The following PSMC3 variants were observed in gnomAD, a reference collection of about 807,000 sequenced individuals.
The protein encoded by PSMC3 is 26S proteasome regulatory subunit 6A.
Under a neutral mutation model 52.0 loss-of-function variants are expected in PSMC3, and 11 were observed. The observed-to-expected ratio is 0.21, with a 90% CI of 0.13 to 0.35. The LOEUF is 0.35. Ranked by LOEUF, PSMC3 falls within the 10% of genes least tolerant of loss-of-function variation. The probability of loss-of-function intolerance (pLI) is 1.00; values close to 1 mark genes in which losing one functional copy is unlikely to be tolerated. For missense variants in PSMC3, 238 were observed against 567.1 expected, an observed-to-expected ratio of 0.42 and a Z score of 5.89; for synonymous variants, 201 against 218.8, an observed-to-expected ratio of 0.92 and a Z score of 0.72.
intron 11 of PSMC3, 31 bp from the exon 12 acceptor site, chr11:47,418,976 G>A (rs1333958349): frequency 6.2e-7 from 1 of 1,611,898 alleles, no homozygotes; most frequent in Admixed American, 1.7e-5. Context: ...GTCTAGGTCT[G>A]AACGCCTGAA....
At chr11:47,419,333 C>T (rs983731151) in intron 10 of PSMC3, 136 bp from the exon 11 acceptor site, 1 of 830,514 alleles carries the variant, frequency 1.2e-6, no homozygotes, top group Non-Finnish European at 2.0e-6. Flanking sequence ...ACTCAATGCG[C>T]CTTGTTTTCT....
At chr11:47,423,578 G>A (rs1595892450) in intron 6 of PSMC3, among the ~76,000 whole-genome samples, 1 of 152,194 alleles carries the variant, frequency 6.6e-6, no homozygotes, top group East Asian at 1.9e-4. Flanking sequence ...CCTGAGGTTG[G>A]GAGTTCGAGA....
rs1325336369 is a variant in PSMC3, at chr11:47,425,139, A to G, written c.267T>C (p.Leu89=). 2 of 1,614,060 alleles carry G rather than the reference A, an allele frequency of 1.2e-6. No individual in the cohort carries two copies. Among genetic ancestry groups the G allele is most frequent in the African/African-American group, 2.7e-5 (2 of 74,912 alleles). ...KIKVNKTLPY[L]VSNVIELLDV... Reference sequence around the variant, plus strand: ...CACACACCTCGATGACGTTGGAGACAAGGTACGGCAGGGTCTTGTTCACTT... The same window carrying G: ...CACACACCTCGATGACGTTGGAGACGAGGTACGGCAGGGTCTTGTTCACTT... Residue 89 remains leucine (L), a synonymous_variant, in exon 3 of 12, where the codon CTT becomes CTC. Transcript: ENST00000298852.
intron 9 of PSMC3, 71 bp downstream of exon 9, chr11:47,420,560 G>A (rs970969381): frequency 1.3e-6 from 2 of 1,512,504 alleles, no homozygotes; most frequent in African/African-American, 2.8e-5. Flanking sequence ...CTCCACCACT[G>A]GCTAGCTGGG....
rs2096038885 is a variant in PSMC3, at chr11:47,420,274, T to C, written c.1117A>G (p.Met373Val). 1 of 1,614,166 alleles carries C rather than the reference T, an allele frequency of 6.2e-7. No individual in the cohort carries two copies. The highest frequency in any genetic ancestry group is 8.5e-7 in the Non-Finnish European group (1 of 1,180,038). The change falls in exon 10 of 12, where the codon ATG becomes GTG. Residue 373 changes from methionine (M) to valine (V), a missense_variant. Around this residue, in one of 6 missense-constraint regions of PSMC3, gnomAD observed 40 missense variants for 53.3 expected, o/e 0.75. Coordinates refer to ENST00000298852, the MANE Select transcript of PSMC3 (RefSeq NM_002804.5). ...CGTGCTCCTGCTCACCTGACATTCA[T>C]CTTTCGGGAGTGGATCTGCATGATT... ...ARIMQIHSRK[M>V]NVSPDVNYEE...
intron 10 of PSMC3, 95 bp downstream of exon 10, chr11:47,420,169 C>A: frequency 6.9e-7 from 1 of 1,455,672 alleles, no homozygotes; most frequent in Admixed American, 1.7e-5. Flanking sequence ...AGGTGGTGGT[C>A]GTGGAGGCTG....
chr11:47,422,761 C>A lies in PSMC3; in HGVS notation c.736-39G>T, dbSNP rs1487600870. The A allele has an allele frequency of 6.2e-7, 1 of 1,611,136 alleles. No individual in the cohort carries two copies. The highest frequency in any genetic ancestry group is 1.1e-5 in the South Asian group (1 of 90,924). ...GTGGTAGAGTCAGGTCAAAGGCAGACCCTTTGAGCCCATCTGGTAGAGTTT... is the reference window on the plus strand; with the variant it reads ...GTGGTAGAGTCAGGTCAAAGGCAGAACCTTTGAGCCCATCTGGTAGAGTTT... On this transcript the variant is annotated intron_variant, in intron 7 of 11. Transcript: ENST00000298852. This position sits in a 1 kb window ranked among gnomAD's most constrained non-coding sequence, Gnocchi z 4.3.
intron 10 of PSMC3, among the ~76,000 whole-genome samples, chr11:47,419,521 G>A (rs1298221315): frequency 1.3e-5 from 2 of 152,046 alleles, no homozygotes; most frequent in Non-Finnish European, 2.9e-5. Context: ...TCCTTACCAC[G>A]ACCCTGTGAA....
intron 9 of PSMC3, 49 bp from the exon 10 acceptor site, chr11:47,420,458 G>T (rs756783605): frequency 6.3e-7 from 1 of 1,585,430 alleles, no homozygotes; most frequent in South Asian, 1.2e-5. Flanking sequence ...TTCACAGATG[G>T]GCAGACACGG....
chr11:47,424,025 C>A lies in PSMC3; in HGVS notation c.591+21G>T. On this transcript the variant is annotated intron_variant, in intron 6 of 11. Transcript: ENST00000298852. This position sits in a 1 kb window ranked among gnomAD's most constrained non-coding sequence, Gnocchi z 4.8. ...ACTAAAAGGCTGACAAGGCTGCTGG[C>A]AGCTGCCGTGCCTCCCTCACCTCCT... 6.2e-7 allele frequency: 1 copy of A among 1,614,134 alleles called. No individual in the cohort carries two copies. The highest frequency in any genetic ancestry group is 8.5e-7 in the Non-Finnish European group (1 of 1,180,008).
In PSMC3 at chr11:47,424,960, C is replaced by G. The variant is rs1565676763; in HGVS notation, c.285+161G>C. ...AGGAGACACGTGAGACCTCCCAGGA[C>G]TTTGCAGGCCCCGTCTTCCCCATGA... On this transcript the variant is annotated intron_variant, in intron 3 of 11. Coordinates refer to ENST00000298852, the MANE Select transcript of PSMC3 (RefSeq NM_002804.5). This position sits in a 1 kb window ranked among gnomAD's most constrained non-coding sequence, Gnocchi z 4.8. Among the ~76,000 whole-genome samples the G allele has an allele frequency of 6.6e-6, 1 of 152,180 alleles. No homozygotes were observed. Among genetic ancestry groups the G allele is most frequent in the African/African-American group, 2.4e-5 (1 of 41,426 alleles).
At chr11:47,419,784 A>C (rs7120413) in intron 10 of PSMC3, among the ~76,000 whole-genome samples, 1 of 151,592 alleles carries the variant, frequency 6.6e-6, no homozygotes, top group Non-Finnish European at 1.5e-5. Context: ...GCGTGAACCC[A>C]GGAGGCGGAG....
rs760644726 is a variant in PSMC3, at chr11:47,418,795, T to C, written c.*40A>G. On this transcript the variant is annotated 3_prime_UTR_variant, in exon 12 of 12. Transcript: ENST00000298852. ...GCAGGGACCCTAAACCATCTTTTAT[T>C]GCGCACTTCAGCCGTGAGACTGGGG... 6.4e-7 allele frequency: 1 copy of C among 1,564,406 alleles called. No individual in the cohort carries two copies. Among genetic ancestry groups the C allele is most frequent in the South Asian group, 1.1e-5 (1 of 89,590 alleles).
Position 47,424,403 on chromosome 11 carries a change from A to C in PSMC3, c.453+26T>G. The C allele has an allele frequency of 1.2e-6, 2 of 1,612,648 alleles. No individual in the cohort carries two copies. Among genetic ancestry groups the C allele is most frequent in the Non-Finnish European group, 1.7e-6 (2 of 1,178,632 alleles). On this transcript the variant is annotated intron_variant, in intron 5 of 11. Transcript: ENST00000298852. The surrounding 1 kb of genome is among the most constrained non-coding windows in gnomAD (Gnocchi z 4.8). ...GGGCTCAGCTAGTCACCAGAAAAGC[A>C]CTGCCTGGGCTCAGGCCCCACTCAC...
chr11:47,419,634 C>T (rs187001390), intron 10 of PSMC3, among the ~76,000 whole-genome samples: 104 of 152,222 alleles, frequency 6.8e-4, no homozygotes, highest in Admixed American at 3.1e-3. Flanking sequence ...CCAAGGTGGG[C>T]GGATCACAAG....
At chr11:47,423,808 G>A (rs1159354071) in intron 6 of PSMC3, among the ~76,000 whole-genome samples, 2 of 145,736 alleles carry the variant, frequency 1.4e-5, no homozygotes, top group African/African-American at 5.0e-5. Flanking sequence ...AAAAAAAAAG[G>A]ACACTGGGCC....
In PSMC3 at chr11:47,424,740, G is replaced by T. The variant is rs375348131; in HGVS notation, c.286-29C>A. 9.4e-5 allele frequency: 146 copies of T among 1,558,910 alleles called. No homozygotes were observed. The highest frequency in any genetic ancestry group is 1.2e-4 in the Non-Finnish European group (135 of 1,129,902). Reference sequence around the variant, plus strand: ...GGAAGGAAAAAATACTCAGCTCCTTGAACTCCCCAAGGCCCAGTGCTTCCT... The same window carrying T: ...GGAAGGAAAAAATACTCAGCTCCTTTAACTCCCCAAGGCCCAGTGCTTCCT... On this transcript the variant is annotated intron_variant, in intron 3 of 11. Coordinates refer to ENST00000298852, the MANE Select transcript of PSMC3 (RefSeq NM_002804.5). The surrounding 1 kb of genome is among the most constrained non-coding windows in gnomAD (Gnocchi z 4.8).
At position 47,422,618 on chromosome 11, in the gene PSMC3, G is replaced by A. The variant is rs1252555036; in HGVS notation, c.840C>T (p.Pro280=). ...CCAACTCATCAATGAAGATGATAGA[G>A]GGCGCTTTCTCCTTGGCCAGGGCAA... is the stretch of plus-strand genomic sequence containing the variant. ...DAFALAKEKA[P]SIIFIDELDA... Residue 280 remains proline (P), a synonymous_variant, in exon 8 of 12, where the codon CCC becomes CCT. Transcript: ENST00000298852. The surrounding 1 kb of genome is among the most constrained non-coding windows in gnomAD (Gnocchi z 4.3). 1.2e-6 allele frequency: 2 copies of A among 1,614,178 alleles called. No individual in the cohort carries two copies. Among genetic ancestry groups the A allele is most frequent in the South Asian group, 2.2e-5 (2 of 91,084 alleles).
chr11:47,422,790 C>T lies in PSMC3; in HGVS notation c.735+40G>A. ...TTGAGCCCATCTGGTAGAGTTTCTG[C>T]TCCTGCCCACTTCCCCCGCATCCCT... On this transcript the variant is annotated intron_variant, in intron 7 of 11. Transcript: ENST00000298852. This position sits in a 1 kb window ranked among gnomAD's most constrained non-coding sequence, Gnocchi z 4.3. 5.6e-6 allele frequency: 9 copies of T among 1,604,440 alleles called. No homozygotes were observed. The highest frequency in any genetic ancestry group is 1.3e-5 in the African/African-American group (1 of 74,842).
Sources: allele counts gnomAD v4.1 joint callset (sites outside exome capture counted in the v4.1 genomes callset), GRCh38; gene constraint gnomAD v4.1.1; regional missense constraint gnomAD v4.1.1; non-coding constraint Gnocchi (gnomAD v3.1); transcripts MANE v1.5; gene names NCBI Gene and HGNC (gene_info 2026-07-23, HGNC 2026-07-21).